CLVS1: variants seen among roughly 807,000 people sequenced by gnomAD.
CLVS1 encodes clavesin-1.
In CLVS1, 10 loss-of-function variants were observed where a neutral mutation model predicts 33.1. The ratio of observed to expected loss-of-function variants is 0.30; its 90% CI spans 0.19 to 0.51. The LOEUF (loss-of-function observed/expected upper bound fraction) is 0.51, where lower values mean the gene tolerates loss of function less well. CLVS1 is among the 20% of genes least tolerant of loss of function. CLVS1 has a pLI of 0.97. For synonymous variants in CLVS1, 163 were observed against 166.1 expected, an observed-to-expected ratio of 0.98 and a Z score of 0.14; for missense variants, 343 against 433.4, an observed-to-expected ratio of 0.79 and a Z score of 1.85.
At chr8:61,138,012 G>C (rs1165594604) in intron 2 of CLVS1, among the ~76,000 whole-genome samples, 1 of 152,160 alleles carries the variant, frequency 6.6e-6, no homozygotes, top group Non-Finnish European at 1.5e-5. Flanking sequence ...GGTTACAGGG[G>C]AAGGAAAGAT....
chr8:61,451,456 CA>C (rs938131894), intron 3 of CLVS1, among the ~76,000 whole-genome samples: 3 of 152,054 alleles, frequency 2.0e-5, no homozygotes, highest in Non-Finnish European at 2.9e-5. Context: ...ATTTTATTGA[CA>C]AAGGTATAAA....
intron 3 of CLVS1, among the ~76,000 whole-genome samples, chr8:61,414,362 G>A (rs1815346053): frequency 6.6e-6 from 1 of 150,960 alleles, no homozygotes; most frequent in Non-Finnish European, 1.5e-5. Flanking sequence ...AGATGAAGAA[G>A]ACAGAAAAGG....
At chr8:61,067,314 G>A (rs4738861) in intron 1 of CLVS1, among the ~76,000 whole-genome samples, 72,589 of 151,406 alleles carry the variant, frequency 0.48, 20,797 homozygotes, top group African/African-American at 0.8. Context: ...GAGTGTGCTC[G>A]ACAAATATAT....
intron 2 of CLVS1, among the ~76,000 whole-genome samples, chr8:61,349,587 G>GT (rs1563509408): frequency 6.6e-6 from 1 of 151,882 alleles, no homozygotes; most frequent in Non-Finnish European, 1.5e-5. Context: ...TTTTGTTTTT[G>GT]TTTTTTAGGT....
chr8:61,232,033 T>TGTTTG (rs1354680325), intron 2 of CLVS1, among the ~76,000 whole-genome samples: 1 of 46,684 alleles, frequency 2.1e-5, no homozygotes, highest in South Asian at 6.7e-4. Flanking sequence ...GTTTTTTTTT[T>TGTTTG]TTTTTTTTTT....
chr8:61,477,731 G>T (rs1176394716), intron 5 of CLVS1, among the ~76,000 whole-genome samples: 1 of 151,812 alleles, frequency 6.6e-6, no homozygotes, highest in Non-Finnish European at 1.5e-5. Context: ...CAATTTTGTC[G>T]ATCTTTTCAA....
At chr8:61,240,894 G>GTTTTTTTTTTTTTTTTTTTTTTTTT (rs549955338) in intron 2 of CLVS1, among the ~76,000 whole-genome samples, 1 of 130,616 alleles carries the variant, frequency 7.7e-6, no homozygotes, top group African/African-American at 3.2e-5. Flanking sequence ...TTTGCTGTAG[G>GTTTTTTTTTTTTTTTTTTTTTTTTT]TTTTTTTTTT....
intron 1 of CLVS1, among the ~76,000 whole-genome samples, chr8:61,117,748 T>C (rs1482697002): frequency 1.3e-5 from 2 of 152,224 alleles, no homozygotes; most frequent in African/African-American, 4.8e-5. Context: ...GATAAGCTTT[T>C]TGATGTGCTG....
In CLVS1 at chr8:61,300,195, T is replaced by C; in HGVS notation, c.368T>C (p.Ile123Thr). 1 of 1,614,014 alleles carries C rather than the reference T, an allele frequency of 6.2e-7. No individual in the cohort carries two copies. The highest frequency in any genetic ancestry group is 8.5e-7 in the Non-Finnish European group (1 of 1,179,956). ...ADDPGIKRAL[I>T]DGFPGVLENR... is the part of the protein sequence containing the mutation. ...GATCCCGGCATTAAGAGGGCTCTGA[T>C]CGATGGGTTCCCCGGGGTGCTGGAA... The change falls in exon 2 of 6, where the codon ATC becomes ACC. Residue 123 changes from isoleucine (I) to threonine (T), a missense_variant. Around this residue, in one of 4 missense-constraint regions of CLVS1, gnomAD observed 166 missense variants for 244.0 expected, o/e 0.68. Transcript: ENST00000325897.
intron 2 of CLVS1, among the ~76,000 whole-genome samples, chr8:61,245,186 C>T (rs1808780444): frequency 6.6e-6 from 1 of 151,994 alleles, no homozygotes; most frequent in South Asian, 2.1e-4. Flanking sequence ...TTTGAAGTCT[C>T]CTTACATATT....
chr8:61,481,992 G>A (rs1364312484), intron 5 of CLVS1, among the ~76,000 whole-genome samples: 2 of 152,196 alleles, frequency 1.3e-5, no homozygotes, highest in Non-Finnish European at 2.9e-5. Flanking sequence ...GCCCCTCTGA[G>A]ACGAAGCTTC....
intron 1 of CLVS1, among the ~76,000 whole-genome samples, chr8:61,131,440 G>A (rs1436696168): frequency 5.9e-5 from 9 of 152,210 alleles, no homozygotes; most frequent in Non-Finnish European, 1.3e-4. Context: ...TGGGCTGGGA[G>A]TACATTGTGT....
intron 2 of CLVS1, among the ~76,000 whole-genome samples, chr8:61,245,349 A>AT (rs376342998): frequency 0.055 from 8,239 of 149,164 alleles, 270 homozygotes; most frequent in African/African-American, 0.068. Context: ...TGCCTGGGTA[A>AT]TTTTTTTTTT....
chr8:61,200,449 A>G lies in CLVS1; in HGVS notation c.-152+68589A>G, dbSNP rs185663729. 1.1e-3 allele frequency among the ~76,000 whole-genome samples: 162 copies of G among 152,330 alleles called. 1 individual carries two copies. Among genetic ancestry groups the G allele is most frequent in the Non-Finnish European group, 1.8e-3 (123 of 68,032 alleles). On this transcript the variant is annotated intron_variant, in intron 2 of 2. Transcript: ENST00000522621. ...ACTTACCATTAGTAATGACTACACA[A>G]TGCATCGTTCCATATGCAGGTGGTA...
intron 2 of CLVS1, among the ~76,000 whole-genome samples, chr8:61,349,052 C>A (rs1399292069): frequency 2.4e-4 from 37 of 151,930 alleles, no homozygotes; most frequent in Non-Finnish European, 7.4e-5. Flanking sequence ...GGTCCTTTGC[C>A]CATTTAATTG....
chr8:61,314,023 C>T (rs577018438), intron 2 of CLVS1, among the ~76,000 whole-genome samples: 5 of 152,266 alleles, frequency 3.3e-5, no homozygotes, highest in African/African-American at 4.8e-5. Flanking sequence ...GATGACTCAT[C>T]GCTTTCTCTC....
chr8:61,418,649 G>A (rs751714736), intron 3 of CLVS1, among the ~76,000 whole-genome samples: 1 of 151,988 alleles, frequency 6.6e-6, no homozygotes, highest in African/African-American at 2.4e-5. Context: ...TCAATATATT[G>A]TTGTTTTGAG....
intron 2 of CLVS1, among the ~76,000 whole-genome samples, chr8:61,229,858 C>T (rs1181136577): frequency 2.6e-5 from 4 of 152,184 alleles, no homozygotes; most frequent in African/African-American, 4.8e-5. Context: ...AACTCCTGAC[C>T]TCAAGTGATC....
intron 2 of CLVS1, among the ~76,000 whole-genome samples, chr8:61,324,001 C>T (rs941502206): frequency 6.6e-6 from 1 of 152,094 alleles, no homozygotes; most frequent in African/African-American, 2.4e-5. Flanking sequence ...GAATAGTATT[C>T]CACAGTGTAA....
Sources: gnomAD v4.1 joint callset for allele counts (sites outside exome capture counted in the v4.1 genomes callset) on GRCh38, gnomAD v4.1.1 for gene constraint, gnomAD v4.1.1 regional missense constraint, MANE v1.5 for transcripts, NCBI Gene and HGNC (gene_info 2026-07-23, HGNC 2026-07-21) for gene names.